Variants in BAIAP3 observed in about 807,000 individuals in gnomAD.
The protein encoded by BAIAP3 is BAI1 associated protein 3, also known as BAI1-associated protein 3.
Under a neutral mutation model 149.7 loss-of-function variants are expected in BAIAP3, and 180 were observed. The observed-to-expected ratio is 1.20, with a 90% confidence interval of 1.07 to 1.36. The LOEUF (loss-of-function observed/expected upper bound fraction) is 1.36. BAIAP3 is among the 40% of genes most tolerant of loss of function. The pLI, the probability that BAIAP3 is intolerant of heterozygous loss-of-function variation, is 0.00. For missense variants in BAIAP3, 1,767 were observed against 1,563.4 expected (o/e 1.13, Z -2.20); for synonymous variants, 845 against 670.7 (o/e 1.26, Z -4.02).
intron 11 of BAIAP3, 32 bp downstream of exon 11, chr16:1,342,315 T>C (rs1298233273): frequency 6.3e-7 from 1 of 1,599,432 alleles, no homozygotes; most frequent in African/African-American, 1.3e-5. Context: ...CTGGTGACAC[T>C]TAGAGAAGGG....
intron 6 of BAIAP3, 25 bp downstream of exon 6, chr16:1,341,006 G>A (rs963145594): frequency 1.2e-6 from 2 of 1,606,494 alleles, no homozygotes; most frequent in African/African-American, 1.3e-5. Flanking sequence ...GCCTGGGCAG[G>A]CACTGACCAG....
Position 1,344,597 on chromosome 16 carries a change from G to A in BAIAP3, c.1660-4G>A. The A allele has an allele frequency of 6.2e-7, 1 of 1,612,840 alleles. No individual in the cohort carries two copies. The highest frequency in any genetic ancestry group is 8.5e-7 in the Non-Finnish European group (1 of 1,180,002). On this transcript the variant is annotated splice_polypyrimidine_tract_variant and splice_region_variant and intron_variant, in intron 18 of 33. Coordinates refer to ENST00000426824, the MANE Select transcript of BAIAP3 (RefSeq NM_001199097.2). ...AGGTGGGTACGAGCTAGGCTTCCTTGCAGCCAGGACCACAGCGCCTGCCTG... is the reference window on the plus strand; with the variant it reads ...AGGTGGGTACGAGCTAGGCTTCCTTACAGCCAGGACCACAGCGCCTGCCTG...
chr16:1,345,600 C>T, intron 22 of BAIAP3, 147 bp from the exon 23 acceptor site: 1 of 448,726 alleles, frequency 2.2e-6, no homozygotes, highest in Middle Eastern at 6.5e-4. Flanking sequence ...CCCGCAACCC[C>T]AGCCTCCTCA....
rs1009568177 is a variant in BAIAP3 at position 1,335,307 on chromosome 16, C to T, written c.-11+1558C>T. Reference sequence around the variant, plus strand: ...GTGCCACAAGGCAGGAGCTCCTTGGCGGTCCTCCCTCTGCTCACTGGACAG... The same window carrying T: ...GTGCCACAAGGCAGGAGCTCCTTGGTGGTCCTCCCTCTGCTCACTGGACAG... On this transcript the variant is annotated intron_variant, in intron 1 of 33. Coordinates refer to ENST00000426824, the MANE Select transcript of BAIAP3 (RefSeq NM_001199097.2). Among the ~76,000 whole-genome samples the T allele has an allele frequency of 5.3e-5, 8 of 152,342 alleles. No homozygotes were observed. The Middle Eastern group carries it at 0.014, about 259-fold the overall frequency.
intron 14 of BAIAP3, 158 bp downstream of exon 14, chr16:1,343,174 G>C: frequency 9.1e-7 from 1 of 1,098,996 alleles, no homozygotes; most frequent in Non-Finnish European, 1.3e-6. Flanking sequence ...GGCGGGAAGG[G>C]AAGGGGGCGG....
In BAIAP3 at chr16:1,342,187, C is replaced by G; in HGVS notation, c.861C>G (p.Phe287Leu). The change falls in exon 11 of 34, where the codon TTC becomes TTG. Residue 287 changes from phenylalanine to leucine, a missense_variant. By Grantham distance (22) the Phe-to-Leu change is conservative. Transcript: ENST00000426824. ...VIGLKGMGRY[F>L]KQIVKSARAN... is the part of the protein sequence containing the mutation. ...CACCACCTGTGGTGGCCAGGTACTT[C>G]AAACAGATCGTCAAGTCAGCCCGCG... 1.2e-6 allele frequency: 2 copies of G among 1,604,046 alleles called. No individual in the cohort carries two copies. Among genetic ancestry groups the G allele is most frequent in the Non-Finnish European group, 1.7e-6 (2 of 1,173,918 alleles).
rs756335442 is a variant in BAIAP3 at position 1,347,775 on chromosome 16, C to T, written c.2979C>T (p.Ala993=). Residue 993 remains alanine (A), a synonymous_variant, in exon 31 of 34, where the codon GCC becomes GCT. Coordinates refer to ENST00000426824, the MANE Select transcript of BAIAP3 (RefSeq NM_001199097.2). ...CHYEAAEQRL[A]VEVLHAADLL... Reference sequence around the variant, plus strand: ...ACGAGGCGGCTGAGCAGCGGCTGGCCGTGGAGGTGCTGCACGCCGCGGACC... The same window carrying T: ...ACGAGGCGGCTGAGCAGCGGCTGGCTGTGGAGGTGCTGCACGCCGCGGACC... 1.8e-5 allele frequency: 29 copies of T among 1,608,594 alleles called. No individual in the cohort carries two copies. Among genetic ancestry groups the T allele is most frequent in the Non-Finnish European group, 2.4e-5 (28 of 1,177,168 alleles).
chr16:1,337,727 G>A (rs2033557801), intron 1 of BAIAP3, among the ~76,000 whole-genome samples: 1 of 152,198 alleles, frequency 6.6e-6, no homozygotes, highest in Non-Finnish European at 1.5e-5. Context: ...CAGTTGTCAT[G>A]GCAACATGAG....
rs1330646276 is a variant in BAIAP3 at position 1,348,557 on chromosome 16, G to C, written c.*75G>C. The stretch of plus-strand genomic sequence containing the variant: ...AGCATCCTCCAGCTCACTGTGGCCA[G>C]CTTTGTGCAACCAGGGCCCACGGCG... On this transcript the variant is annotated 3_prime_UTR_variant, in exon 34 of 34. Transcript: ENST00000426824. 4.2e-6 allele frequency: 6 copies of C among 1,444,596 alleles called. No individual in the cohort carries two copies. Among genetic ancestry groups the C allele is most frequent in the Non-Finnish European group, 4.7e-6 (5 of 1,054,330 alleles). 89.5% of individuals were successfully genotyped at this position (1,444,596 alleles called of 1,614,324 possible).
chr16:1,343,083 C>T, intron 14 of BAIAP3, 67 bp downstream of exon 14: 2 of 1,454,256 alleles, frequency 1.4e-6, no homozygotes, highest in Non-Finnish European at 9.4e-7. Context: ...GCATCGGGGG[C>T]CATGCGGTGA....
chr16:1,342,650 G>A lies in BAIAP3; in HGVS notation c.1065+16G>A, dbSNP rs765429206. The A allele has an allele frequency of 3.1e-6, 5 of 1,601,062 alleles. No homozygotes were observed. In the African/African-American group the frequency reaches 5.4e-5, roughly 17 times the overall value. On this transcript the variant is annotated intron_variant, in intron 12 of 33. Transcript: ENST00000426824. Reference sequence around the variant, plus strand: ...CACTACGCAGGTGGGGAAAGTGGGCGTCCCCGTCCTCCACCCCCGTCCTTG... The same window carrying A: ...CACTACGCAGGTGGGGAAAGTGGGCATCCCCGTCCTCCACCCCCGTCCTTG...
intron 10 of BAIAP3, 42 bp from the exon 11 acceptor site, chr16:1,342,139 C>T (rs1375761666): frequency 1.3e-6 from 2 of 1,572,954 alleles, no homozygotes; most frequent in South Asian, 1.2e-5. Flanking sequence ...CAGTGGCTCC[C>T]CAGGAGCCAT....
intron 5 of BAIAP3, among the ~76,000 whole-genome samples, chr16:1,340,223 CACACACAGGTTGCAGGT>C (rs2033815405): frequency 7.3e-6 from 1 of 137,008 alleles, no homozygotes; most frequent in Non-Finnish European, 1.6e-5. Context: ...CACACAGACA[CACACACAGGTTGCAGGT>C]GCACACAGAC....
Position 1,338,620 on chromosome 16 carries a change from G to A in BAIAP3, c.71G>A (p.Arg24Lys). 6.2e-7 allele frequency: 1 copy of A among 1,602,602 alleles called. No homozygotes were observed. The highest frequency in any genetic ancestry group is 1.8e-4 in the Middle Eastern group (1 of 5,524). The change falls in exon 2 of 34, where the codon AGG becomes AAG. Residue 24 changes from arginine (R) to lysine (K), a missense_variant. Transcript: ENST00000426824. The stretch of plus-strand genomic sequence containing the variant: ...CAGGTGTGCCCGTCCTTCCGCCGCA[G>A]GACTGAGCAGGACCCAGGGAGTGCC... ...QVQVCPSFRR[R>K]TEQDPGSASA...
rs780820361 is a variant in BAIAP3 at position 1,348,870 on chromosome 16, A to G, written c.*388A>G. The G allele has an allele frequency of 9.7e-4, 321 of 331,812 alleles. No homozygotes were observed. The highest frequency in any genetic ancestry group is 1.7e-3 in the Non-Finnish European group (292 of 176,124). 20.6% of individuals were successfully genotyped at this position (331,812 alleles called of 1,614,324 possible). Reference sequence around the variant, plus strand: ...TGGCTGTGCTCTCTGCACAACGGGCAATGTGCAGACGCATTTTTGGTAATC... The same window carrying G: ...TGGCTGTGCTCTCTGCACAACGGGCGATGTGCAGACGCATTTTTGGTAATC... On this transcript the variant is annotated 3_prime_UTR_variant, in exon 34 of 34. Transcript: ENST00000426824.
intron 5 of BAIAP3, among the ~76,000 whole-genome samples, 181 bp downstream of exon 5, chr16:1,339,784 ACACG>A (rs2033735284): frequency 7.0e-6 from 1 of 142,054 alleles, no homozygotes; most frequent in Non-Finnish European, 1.5e-5. Flanking sequence ...GCACACAGAC[ACACG>A]CACACAGGCT....
chr16:1,346,311 G>A lies in BAIAP3; in HGVS notation c.2443G>A (p.Asp815Asn), dbSNP rs1284727949. The A allele has an allele frequency of 6.2e-6, 10 of 1,604,290 alleles. No homozygotes were observed. The highest frequency in any genetic ancestry group is 2.2e-5 in the South Asian group (2 of 90,718). The change falls in exon 25 of 34, where the codon GAT becomes AAT. Residue 815 changes from aspartate to asparagine, a missense_variant. Physicochemically the swap from Asp to Asn is conservative, Grantham distance 23. Transcript: ENST00000426824. ...GCTCAGCTGCACACAGGCCCTGGAC[G>A]ATGATCTGCAACGGGAGGCCCACAC... ...PLLSCTQALDDDLQREAHTVT... is the reference protein window; with the variant it reads ...PLLSCTQALDNDLQREAHTVT...
chr16:1,345,950 G>A (rs763862657), intron 23 of BAIAP3, 36 bp from the exon 24 acceptor site: 8 of 1,589,252 alleles, frequency 5.0e-6, no homozygotes, highest in Non-Finnish European at 6.9e-6. Flanking sequence ...GGGCAGGGGA[G>A]GGCTCCATGG....
chr16:1,336,925 G>A lies in BAIAP3; in HGVS notation c.-10-1615G>A, dbSNP rs191138622. On this transcript the variant is annotated intron_variant, in intron 1 of 33. Transcript: ENST00000426824. The stretch of plus-strand genomic sequence containing the variant: ...ACCCAGACAGCAAGGCCAGGACCCC[G>A]GGGGGCTGGGGGAGCGCGGTGTCCT... 7.7e-4 allele frequency among the ~76,000 whole-genome samples: 118 copies of A among 152,298 alleles called. 1 individual carries two copies. The East Asian group carries it at 0.016, about 21-fold the overall frequency.
Sources: gnomAD v4.1 joint callset for allele counts (sites outside exome capture counted in the v4.1 genomes callset) on GRCh38, gnomAD v4.1.1 for gene constraint, MANE v1.5 for transcripts, NCBI Gene and HGNC (gene_info 2026-07-23, HGNC 2026-07-21) for gene names.